ERC2: variants seen among roughly 807,000 people sequenced by gnomAD.
ERC2 encodes ELKS/RAB6-interacting/CAST family member 2.
Under a neutral mutation model 114.8 loss-of-function variants are expected in ERC2, and 42 were observed. The observed-to-expected ratio is 0.37, with a 90% CI of 0.29 to 0.47. ERC2 has a LOEUF of 0.47. Among genes scored for constraint, ERC2 ranks in the 20% least tolerant of loss-of-function variants. The pLI is 0.99. For missense variants in ERC2, 939 were observed against 1,150.7 expected (o/e 0.82, Z 2.66); for synonymous variants, 454 against 425.5 (o/e 1.07, Z -0.82).
chr3:56,058,785 C>T (rs1456382967), intron 7 of ERC2, among the ~76,000 whole-genome samples: 1 of 152,208 alleles, frequency 6.6e-6, no homozygotes, highest in Non-Finnish European at 1.5e-5. Flanking sequence ...AGCCTGCCAG[C>T]CTCTCCCATT....
At chr3:56,062,693 T>C (rs538708439) in intron 7 of ERC2, among the ~76,000 whole-genome samples, 7 of 152,206 alleles carry the variant, frequency 4.6e-5, no homozygotes, top group African/African-American at 1.7e-4. Flanking sequence ...TTCCCTGCCC[T>C]TTAGGGAGTT....
At chr3:55,983,788 T>C (rs6799706) in intron 12 of ERC2, among the ~76,000 whole-genome samples, 47,970 of 152,132 alleles carry the variant, frequency 0.32, 8,579 homozygotes, top group Middle Eastern at 0.4. Flanking sequence ...CACACATATA[T>C]ATACATATAT....
chr3:55,636,757 T>C (rs973194166), intron 17 of ERC2, among the ~76,000 whole-genome samples: 1 of 152,182 alleles, frequency 6.6e-6, no homozygotes, highest in Non-Finnish European at 1.5e-5. Flanking sequence ...AAAACTTTAT[T>C]TACAAAAACA....
In ERC2 at chr3:55,568,701, C is replaced by T. The variant is rs1391390601; in HGVS notation, c.*40-57425G>A. Among the ~76,000 whole-genome samples the T allele has an allele frequency of 5.3e-5, 8 of 152,318 alleles. No individual in the cohort carries two copies. In the South Asian group the frequency reaches 1.7e-3, roughly 32 times the overall value. Reference sequence around the variant, plus strand: ...TGCCTTTGCCCCCATCCTGTTTATTCTCACAGAGAGAAATAGCCAGAGAAA... The same window carrying T: ...TGCCTTTGCCCCCATCCTGTTTATTTTCACAGAGAGAAATAGCCAGAGAAA... On this transcript the variant is annotated intron_variant, in intron 17 of 17. Transcript: ENST00000288221.
intron 2 of ERC2, among the ~76,000 whole-genome samples, chr3:56,329,889 C>T (rs1407903836): frequency 6.8e-6 from 1 of 148,140 alleles, no homozygotes; most frequent in Admixed American, 6.7e-5. Flanking sequence ...TATATATTTC[C>T]ACTATATATA....
In ERC2 at chr3:55,672,903, C is replaced by A. The variant is rs146182829; in HGVS notation, c.*39+10891G>T. 3.1e-3 allele frequency among the ~76,000 whole-genome samples: 475 copies of A among 152,258 alleles called. 2 individuals are homozygous for A. The highest frequency in any genetic ancestry group is 5.4e-3 in the Non-Finnish European group (364 of 68,016). On this transcript the variant is annotated intron_variant, in intron 17 of 17. Transcript: ENST00000288221. ...GTCAGGCCCTCACATGAAAAAATGG[C>A]TCAACAGTCCGGGCTCCATCAGCAT...
intron 2 of ERC2, among the ~76,000 whole-genome samples, chr3:56,403,996 G>A (rs148054373): frequency 8.1e-4 from 124 of 152,270 alleles, no homozygotes; most frequent in African/African-American, 2.8e-3. Flanking sequence ...CGGCCACATC[G>A]CACCAGAGGT....
At chr3:55,773,627 G>A (rs1211189928) in intron 14 of ERC2, among the ~76,000 whole-genome samples, 1 of 152,160 alleles carries the variant, frequency 6.6e-6, no homozygotes, top group African/African-American at 2.4e-5. Context: ...TGTTGGTTTC[G>A]TTCCCACCAT....
chr3:56,399,069 A>G (rs550988460), intron 2 of ERC2, among the ~76,000 whole-genome samples: 3 of 152,354 alleles, frequency 2.0e-5, no homozygotes, highest in East Asian at 1.9e-4. Context: ...GAGCCAACAA[A>G]GCATACTACA....
At chr3:55,814,310 T>C (rs1439174541) in intron 14 of ERC2, among the ~76,000 whole-genome samples, 2 of 152,172 alleles carry the variant, frequency 1.3e-5, no homozygotes, top group Admixed American at 6.5e-5. Context: ...TCCTATACGA[T>C]ACACAAAGCC....
chr3:55,542,298 A>G lies in ERC2; in HGVS notation c.*40-31022T>C, dbSNP rs146387888. Among the ~76,000 whole-genome samples, 760 of 152,314 alleles carry G rather than the reference A, an allele frequency of 5.0e-3. 2 individuals are homozygous for G. Among genetic ancestry groups the G allele is most frequent in the Admixed American group, 7.6e-3 (117 of 15,302 alleles). On this transcript the variant is annotated intron_variant, in intron 17 of 17. Coordinates refer to ENST00000288221, the MANE Select transcript of ERC2 (RefSeq NM_015576.3). ...TGTATCAAAAATGGGAACATTGCCCAAGATGGTAAATACATCTCATCTAGA... is the reference window on the plus strand; with the variant it reads ...TGTATCAAAAATGGGAACATTGCCCGAGATGGTAAATACATCTCATCTAGA...
chr3:56,348,907 A>G (rs7643216), intron 2 of ERC2, among the ~76,000 whole-genome samples: 6,370 of 32,810 alleles, frequency 0.19, 428 homozygotes, highest in African/African-American at 0.36. Context: ...AAGGAAGGAA[A>G]GAAGGAAGGA....
intron 17 of ERC2, among the ~76,000 whole-genome samples, chr3:55,560,003 G>T (rs578230053): frequency 6.6e-6 from 1 of 152,228 alleles, no homozygotes; most frequent in African/African-American, 2.4e-5. Context: ...CGTTATCTTG[G>T]TTGGGCTGCT....
chr3:55,775,047 G>A (rs1450232851), intron 14 of ERC2, among the ~76,000 whole-genome samples: 1 of 152,170 alleles, frequency 6.6e-6, no homozygotes, highest in African/African-American at 2.4e-5. Flanking sequence ...CCTTGTGGGA[G>A]TCTTTCCACA....
chr3:55,990,521 C>T (rs1278144673), intron 11 of ERC2, among the ~76,000 whole-genome samples: 1 of 152,010 alleles, frequency 6.6e-6, no homozygotes, highest in Non-Finnish European at 1.5e-5. Flanking sequence ...AACTCCTGGA[C>T]TCAAGTGATC....
intron 3 of ERC2, among the ~76,000 whole-genome samples, chr3:56,191,801 C>T (rs1335683678): frequency 6.6e-6 from 1 of 152,130 alleles, no homozygotes; most frequent in African/African-American, 2.4e-5. Flanking sequence ...GAGGTCCCTT[C>T]TATTACATTC....
intron 7 of ERC2, among the ~76,000 whole-genome samples, chr3:56,053,797 T>G (rs1037041044): frequency 6.0e-5 from 9 of 149,786 alleles, no homozygotes; most frequent in African/African-American, 2.2e-4. Context: ...GAAGTTGACT[T>G]TTTTTTTTTA....
chr3:56,356,852 A>G (rs1326469976), intron 2 of ERC2, among the ~76,000 whole-genome samples: 1 of 152,144 alleles, frequency 6.6e-6, no homozygotes, highest in Non-Finnish European at 1.5e-5. Context: ...TAATTTTCCT[A>G]TGCTGGGTAA....
intron 13 of ERC2, among the ~76,000 whole-genome samples, chr3:55,904,050 C>T (rs759576156): frequency 1.3e-5 from 2 of 152,150 alleles, no homozygotes; most frequent in Admixed American, 6.5e-5. Context: ...AATCCTGTTT[C>T]GTGTTTAAAA....
Sources: allele counts gnomAD v4.1 joint callset (sites outside exome capture counted in the v4.1 genomes callset), GRCh38; gene constraint gnomAD v4.1.1; transcripts MANE v1.5; gene names NCBI Gene and HGNC (gene_info 2026-07-23, HGNC 2026-07-21).